KCNIP4: variants seen among roughly 807,000 people sequenced by gnomAD.
KCNIP4 encodes the protein Kv channel-interacting protein 4.
A neutral mutation model predicts 34.0 loss-of-function variants in KCNIP4; 12 were observed. That is an observed-to-expected ratio of 0.35 (90% CI 0.23 to 0.57). KCNIP4 has a LOEUF of 0.57. KCNIP4 is among the 20% of genes least tolerant of loss of function. The probability of loss-of-function intolerance (pLI) is 0.83; values close to 1 mark genes in which losing one functional copy is unlikely to be tolerated. For synonymous variants in KCNIP4, 124 were observed against 102.2 expected (o/e 1.21, Z -1.29); for missense variants, 238 against 311.7 (o/e 0.76, Z 1.78).
chr4:21,136,958 G>A (rs1470364589), intron 1 of KCNIP4, among the ~76,000 whole-genome samples: 1 of 151,986 alleles, frequency 6.6e-6, no homozygotes, highest in African/African-American at 2.4e-5. Flanking sequence ...TCCATGCTCT[G>A]CCCAGGCCTG....
chr4:20,729,726 T>C lies in KCNIP4; in HGVS notation c.*356A>G, dbSNP rs190544273. 427 of 181,324 alleles carry C rather than the reference T, an allele frequency of 2.4e-3. 1 individual carries two copies. The highest frequency in any genetic ancestry group is 3.6e-3 in the Non-Finnish European group (316 of 87,688). The allele number at this position is 181,324 out of a possible 1,614,324, so 11.2% of individuals were successfully genotyped here. On this transcript the variant is annotated 3_prime_UTR_variant, in exon 9 of 9. Transcript: ENST00000382152. ...ATTCAAAATCCTAGGACTGAATACA[T>C]ACAAATGAGTAGCAAAAAACACTGA...
intron 1 of KCNIP4, among the ~76,000 whole-genome samples, chr4:21,584,243 C>T (rs932507608): frequency 7.9e-5 from 12 of 151,974 alleles, no homozygotes; most frequent in African/African-American, 2.9e-4. Flanking sequence ...AGGTTGCTTA[C>T]ATTTTTAAAC....
Position 21,304,059 on chromosome 4 carries a change from GAGAGAGAGACAGAGAGAGAGAGAGAGAC to G in KCNIP4, c.62-421378_62-421351del, listed in dbSNP as rs1712094356. 2.4e-5 allele frequency: 12 copies of G among 498,746 alleles called. No homozygotes were observed. In the African/African-American group the frequency reaches 3.0e-4, roughly 12 times the overall value. 30.9% of individuals were successfully genotyped at this position (498,746 alleles called of 1,614,324 possible). ...AGAGAGAGAGAGAGAGAGAGAGAGAGAGAGAGAGACAGAGAGAGAGAGAGAGACAGAGAGAGAGAGAGAGAGAGACAGA... is the reference window on the plus strand; with the variant it reads ...AGAGAGAGAGAGAGAGAGAGAGAGAGAGAGAGAGAGAGAGAGAGAGACAGA... On this transcript the variant is annotated intron_variant, in intron 1 of 8. Transcript: ENST00000382152.
intron 1 of KCNIP4, among the ~76,000 whole-genome samples, chr4:21,517,767 C>T (rs775321983): frequency 6.6e-6 from 1 of 152,128 alleles, no homozygotes; most frequent in Non-Finnish European, 1.5e-5. Flanking sequence ...TCTCCCTTAA[C>T]AAAAGGTTAA....
chr4:21,838,779 CAAAA>C (rs2109317218), intron 1 of KCNIP4, among the ~76,000 whole-genome samples: 1 of 152,098 alleles, frequency 6.6e-6, no homozygotes, highest in African/African-American at 2.4e-5. Context: ...AAAAAACAAA[CAAAA>C]AACCACTTCT....
intron 1 of KCNIP4, among the ~76,000 whole-genome samples, chr4:21,751,743 A>G (rs547700136): frequency 6.6e-6 from 1 of 152,278 alleles, no homozygotes; most frequent in South Asian, 2.1e-4. Flanking sequence ...ATTTACATTT[A>G]TATGAAATCA....
chr4:20,734,935 T>C (rs1749225906), intron 5 of KCNIP4, among the ~76,000 whole-genome samples, 200 bp from the exon 6 acceptor site: 1 of 152,128 alleles, frequency 6.6e-6, no homozygotes, highest in Non-Finnish European at 1.5e-5. Flanking sequence ...CATATTCTAA[T>C]TGGAAACTGA....
chr4:20,982,359 G>T (rs986720129), intron 1 of KCNIP4, among the ~76,000 whole-genome samples: 1 of 152,158 alleles, frequency 6.6e-6, no homozygotes, highest in African/African-American at 2.4e-5. Context: ...AATTGAAATT[G>T]CTAGTACTGT....
intron 1 of KCNIP4, among the ~76,000 whole-genome samples, chr4:21,428,796 C>T (rs1303446224): frequency 6.6e-6 from 1 of 152,064 alleles, no homozygotes; most frequent in African/African-American, 2.4e-5. Context: ...TTCTGAAATG[C>T]TATTTGATTG....
rs924897147 is a variant in KCNIP4, at chr4:21,689,859, C to T, written c.61+258712G>A. ...AAGTTGGAAAATAATGATTCACTGG[C>T]CATCCTCAGACATTATTACATGTTG... On this transcript the variant is annotated intron_variant, in intron 1 of 8. Transcript: ENST00000382152. 4.6e-5 allele frequency among the ~76,000 whole-genome samples: 7 copies of T among 152,000 alleles called. 1 individual carries two copies. In the South Asian group the frequency reaches 1.0e-3, roughly 23 times the overall value.
intron 1 of KCNIP4, among the ~76,000 whole-genome samples, chr4:21,438,898 C>T (rs10008283): frequency 6.6e-6 from 1 of 152,090 alleles, no homozygotes; most frequent in African/African-American, 2.4e-5. Context: ...CGTGGTGGCT[C>T]ACGCCTGTAA....
At chr4:21,485,584 T>C (rs1731829772) in intron 1 of KCNIP4, among the ~76,000 whole-genome samples, 1 of 152,228 alleles carries the variant, frequency 6.6e-6, no homozygotes, top group Non-Finnish European at 1.5e-5. Context: ...TTCACTTTTG[T>C]AGCACTTCAA....
intron 1 of KCNIP4, among the ~76,000 whole-genome samples, chr4:21,059,190 C>A (rs915714024): frequency 1.3e-5 from 2 of 152,072 alleles, no homozygotes; most frequent in Non-Finnish European, 2.9e-5. Context: ...CACAAGATAA[C>A]TCTGACACCA....
At chr4:20,936,845 C>G (rs1731118346) in intron 1 of KCNIP4, among the ~76,000 whole-genome samples, 1 of 152,054 alleles carries the variant, frequency 6.6e-6, no homozygotes, top group Admixed American at 6.5e-5. Context: ...GCAATAAAAC[C>G]ACAGTTATTA....
chr4:21,324,437 T>C (rs944864272), intron 1 of KCNIP4, among the ~76,000 whole-genome samples: 1 of 152,062 alleles, frequency 6.6e-6, no homozygotes, highest in Non-Finnish European at 1.5e-5. Context: ...TTGTGTAAGA[T>C]AGAGGTCTAG....
chr4:21,657,363 T>C (rs1560599251), intron 1 of KCNIP4, among the ~76,000 whole-genome samples: 2 of 152,216 alleles, frequency 1.3e-5, no homozygotes, highest in South Asian at 2.1e-4. Context: ...ATGTGTCTGA[T>C]AGACTCCCTT....
At chr4:20,737,147 A>G (rs1749808619) in intron 5 of KCNIP4, among the ~76,000 whole-genome samples, 1 of 152,202 alleles carries the variant, frequency 6.6e-6, no homozygotes, top group South Asian at 2.1e-4. Flanking sequence ...GTCAAGTGAG[A>G]GAAAAACAAG....
chr4:21,582,826 C>T (rs540360329), intron 1 of KCNIP4, among the ~76,000 whole-genome samples: 1 of 152,004 alleles, frequency 6.6e-6, no homozygotes, highest in East Asian at 1.9e-4. Flanking sequence ...AGGAAGTCTC[C>T]ATTTTACATT....
intron 1 of KCNIP4, among the ~76,000 whole-genome samples, chr4:21,120,534 T>C (rs3919661): frequency 0.43 from 65,183 of 151,946 alleles, 14,773 homozygotes; most frequent in African/African-American, 0.58. Flanking sequence ...AGGCAACTTA[T>C]AATCATGGTG....
Sources: allele counts gnomAD v4.1 joint callset (sites outside exome capture counted in the v4.1 genomes callset), GRCh38; gene constraint gnomAD v4.1.1; transcripts MANE v1.5; gene names NCBI Gene and HGNC (gene_info 2026-07-23, HGNC 2026-07-21).